Variants in SGMS1 observed in about 807,000 individuals in gnomAD.
SGMS1 encodes phosphatidylcholine:ceramide cholinephosphotransferase 1.
SGMS1 carries 13 observed loss-of-function variants against 46.2 expected under a neutral mutation model. The ratio of observed to expected loss-of-function variants is 0.28; its 90% CI spans 0.18 to 0.45. The LOEUF is 0.45. Among genes scored for constraint, SGMS1 ranks in the 20% least tolerant of loss-of-function variants. The probability of loss-of-function intolerance (pLI) is 1.00; values close to 1 mark genes in which losing one functional copy is unlikely to be tolerated. For missense variants in SGMS1, 324 were observed against 519.9 expected (o/e 0.62, Z 3.66); for synonymous variants, 203 against 187.8 (o/e 1.08, Z -0.66).
At chr10:50,558,627 A>G (rs1838208331) in intron 2 of SGMS1, among the ~76,000 whole-genome samples, 1 of 152,102 alleles carries the variant, frequency 6.6e-6, no homozygotes, top group South Asian at 2.1e-4. Context: ...GCACAACACG[A>G]ATTTGAACTA....
intron 5 of SGMS1, among the ~76,000 whole-genome samples, chr10:50,434,901 A>T (rs1483952276): frequency 6.9e-6 from 1 of 144,970 alleles, no homozygotes; most frequent in African/African-American, 2.5e-5. Flanking sequence ...AAAAAAAAAG[A>T]CAGGAGGAGA....
chr10:50,341,670 G>A (rs953738088), intron 7 of SGMS1, among the ~76,000 whole-genome samples: 18 of 152,122 alleles, frequency 1.2e-4, no homozygotes, highest in African/African-American at 3.9e-4. Context: ...CACTCAGCAA[G>A]TTGGACACAC....
chr10:50,379,369 T>C (rs1237191871), intron 6 of SGMS1, among the ~76,000 whole-genome samples: 1 of 152,158 alleles, frequency 6.6e-6, no homozygotes, highest in Non-Finnish European at 1.5e-5. Context: ...TACCAACATA[T>C]CTGTGACGTA....
intron 3 of SGMS1, among the ~76,000 whole-genome samples, chr10:50,493,404 C>T (rs971961265): frequency 6.6e-6 from 1 of 152,140 alleles, no homozygotes; most frequent in African/African-American, 2.4e-5. Flanking sequence ...GACACAGGCA[C>T]AGGCAAAGAT....
intron 2 of SGMS1, among the ~76,000 whole-genome samples, chr10:50,546,246 A>C (rs1212343443): frequency 6.6e-6 from 1 of 152,142 alleles, no homozygotes. Context: ...CTGTAGCAAC[A>C]AACACAAGGC....
At chr10:50,551,751 T>C (rs1407459503) in intron 2 of SGMS1, among the ~76,000 whole-genome samples, 1 of 152,086 alleles carries the variant, frequency 6.6e-6, no homozygotes, top group Non-Finnish European at 1.5e-5. Flanking sequence ...TTATAGTAGA[T>C]TCTATGTCCA....
At chr10:50,467,288 GC>G (rs1314304591) in intron 3 of SGMS1, among the ~76,000 whole-genome samples, 1 of 152,034 alleles carries the variant, frequency 6.6e-6, no homozygotes, top group Non-Finnish European at 1.5e-5. Flanking sequence ...AGATAAAGAA[GC>G]AAGAAAGCGT....
chr10:50,537,274 G>T, intron 2 of SGMS1, among the ~76,000 whole-genome samples: 1 of 151,914 alleles, frequency 6.6e-6, no homozygotes, highest in Non-Finnish European at 1.5e-5. Context: ...AGAAAGTTTG[G>T]AGTATGGAGC....
In SGMS1 at chr10:50,327,339, AC is replaced by A. The variant is rs375956064; in HGVS notation, c.624-18del. Reference sequence around the variant, plus strand: ...ATAATAGACCTAGAAAAAGGGAAAAACAGGGCAGATTCTCAGTCAAGAAATT... The same window carrying A: ...ATAATAGACCTAGAAAAAGGGAAAAAAGGGCAGATTCTCAGTCAAGAAATT... On this transcript the variant is annotated intron_variant, in intron 7 of 10. Transcript: ENST00000361781. The A allele has an allele frequency of 3.7e-4, 519 of 1,399,736 alleles. No individual in the cohort carries two copies. The highest frequency in any genetic ancestry group is 3.5e-3 in the African/African-American group (245 of 70,690). 86.7% of individuals were successfully genotyped at this position (1,399,736 alleles called of 1,614,324 possible).
At chr10:50,406,462 A>C (rs1299889753) in intron 6 of SGMS1, among the ~76,000 whole-genome samples, 1 of 152,088 alleles carries the variant, frequency 6.6e-6, no homozygotes, top group Non-Finnish European at 1.5e-5. Flanking sequence ...ATTTTTAGTA[A>C]GTTTTGCTGG....
chr10:50,391,346 T>A (rs1038838881), intron 6 of SGMS1, among the ~76,000 whole-genome samples: 1 of 152,132 alleles, frequency 6.6e-6, no homozygotes, highest in African/African-American at 2.4e-5. Context: ...ACATGATAAC[T>A]TACATGGAAA....
chr10:50,407,219 T>G lies in SGMS1; in HGVS notation c.-232+26257A>C, dbSNP rs374947705. 2.6e-5 allele frequency among the ~76,000 whole-genome samples: 4 copies of G among 152,254 alleles called. No homozygotes were observed. In the East Asian group the frequency reaches 5.8e-4, roughly 22 times the overall value. On this transcript the variant is annotated intron_variant, in intron 6 of 10. Transcript: ENST00000361781. Reference sequence around the variant, plus strand: ...CTTAAACTGTTTAACCTCTCTGGATTTGCTAAGTGATATATCATAGAATGT... The same window carrying G: ...CTTAAACTGTTTAACCTCTCTGGATGTGCTAAGTGATATATCATAGAATGT...
At chr10:50,333,923 T>G (rs1392457051) in intron 7 of SGMS1, among the ~76,000 whole-genome samples, 1 of 152,206 alleles carries the variant, frequency 6.6e-6, no homozygotes, top group Non-Finnish European at 1.5e-5. Flanking sequence ...ACTAATTATT[T>G]TAACAACATT....
chr10:50,567,118 T>G (rs1255220393), intron 2 of SGMS1, among the ~76,000 whole-genome samples: 1 of 152,180 alleles, frequency 6.6e-6, no homozygotes, highest in Admixed American at 6.5e-5. Flanking sequence ...AGCTAATTTT[T>G]GTATTTTTAC....
intron 2 of SGMS1, among the ~76,000 whole-genome samples, chr10:50,551,950 G>C (rs1404613658): frequency 6.6e-6 from 1 of 152,120 alleles, no homozygotes; most frequent in Admixed American, 6.5e-5. Flanking sequence ...CAAACTTTTT[G>C]TGTAAAAGCT....
intron 6 of SGMS1, among the ~76,000 whole-genome samples, chr10:50,390,409 GT>G (rs1346413238): frequency 1.3e-5 from 2 of 152,148 alleles, no homozygotes; most frequent in African/African-American, 4.8e-5. Flanking sequence ...TAGAACTTTG[GT>G]TTTGAATAAA....
Position 50,344,258 on chromosome 10 carries a change from G to A in SGMS1, c.-144C>T, listed in dbSNP as rs913551186. On this transcript the variant is annotated 5_prime_UTR_variant, in exon 7 of 11. Transcript: ENST00000361781. ...GAGACTTGTTTGGCAAGATGGTCAG[G>A]GCAGTTTTTAAACACCTCATGTAGC... The A allele has an allele frequency of 3.4e-6, 4 of 1,160,842 alleles. No individual in the cohort carries two copies. The highest frequency in any genetic ancestry group is 2.4e-6 in the Non-Finnish European group (2 of 847,028). 71.9% of individuals were successfully genotyped at this position (1,160,842 alleles called of 1,614,324 possible).
chr10:50,543,019 A>AT (rs545867824), intron 2 of SGMS1, among the ~76,000 whole-genome samples: 107 of 152,206 alleles, frequency 7.0e-4, no homozygotes, highest in African/African-American at 2.5e-3. Flanking sequence ...TCTTGGGACA[A>AT]TTTTAACAAG....
intron 2 of SGMS1, among the ~76,000 whole-genome samples, chr10:50,527,586 C>T (rs1588865519): frequency 6.6e-6 from 1 of 152,124 alleles, no homozygotes; most frequent in South Asian, 2.1e-4. Flanking sequence ...TAGACGTGTC[C>T]GCTAAGAACT....
Sources: gnomAD v4.1 joint callset for allele counts (sites outside exome capture counted in the v4.1 genomes callset) on GRCh38, gnomAD v4.1.1 for gene constraint, MANE v1.5 for transcripts, NCBI Gene and HGNC (gene_info 2026-07-23, HGNC 2026-07-21) for gene names.